The following DPP8 variants were observed in gnomAD, a reference collection of about 807,000 sequenced individuals.
DPP8 encodes the protein dipeptidyl peptidase 8.
A neutral mutation model predicts 107.5 loss-of-function variants in DPP8; 31 were observed. The observed-to-expected ratio is 0.29, with a 90% CI of 0.22 to 0.39. DPP8 has a LOEUF of 0.39. DPP8 is among the 10% of genes least tolerant of loss of function. The probability of loss-of-function intolerance (pLI) is 1.00; values close to 1 mark genes in which losing one functional copy is unlikely to be tolerated. For missense variants in DPP8, 842 were observed against 1,076.1 expected, an observed-to-expected ratio of 0.78 and a Z score of 3.04; for synonymous variants, 381 against 356.6, an observed-to-expected ratio of 1.07 and a Z score of -0.77.
At chr15:65,512,162 A>G (rs1052195117) in intron 2 of DPP8, 133 bp downstream of exon 2, 4 of 893,112 alleles carry the variant, frequency 4.5e-6, no homozygotes, top group African/African-American at 1.7e-5. Flanking sequence ...TCTTCAAATT[A>G]TAGGCTTTTC....
chr15:65,447,035 A>C, intron 19 of DPP8, 29 bp from the exon 20 acceptor site: 1 of 1,393,558 alleles, frequency 7.2e-7, no homozygotes. Context: ...TAAAGATACA[A>C]AAAAAAAAAA....
In DPP8 at chr15:65,515,948, TTA is replaced by T. The variant is rs1159959948; in HGVS notation, c.-12+1536_-12+1537del. On this transcript the variant is annotated intron_variant, in intron 1 of 19. Coordinates refer to ENST00000300141, the MANE Select transcript of DPP8 (RefSeq NM_130434.5). ...GCCTACATTATTTTGTATCTGCGTT[TTA>T]TGTTATCAGAATTCAAGAATTATTT... is the stretch of plus-strand genomic sequence containing the variant. 274 of 477,532 alleles carry T rather than the reference TTA, an allele frequency of 5.7e-4. 1 individual carries two copies. The East Asian group carries it at 8.8e-3, about 15-fold the overall frequency. 29.6% of individuals were successfully genotyped at this position (477,532 alleles called of 1,614,324 possible). A position where few individuals can be genotyped will look rare whatever the true frequency, so the allele number is the denominator to read the frequency against.
chr15:65,509,901 G>A (rs1185933287), intron 2 of DPP8, among the ~76,000 whole-genome samples: 1 of 152,010 alleles, frequency 6.6e-6, no homozygotes, highest in African/African-American at 2.4e-5. Context: ...TGTGCCTATA[G>A]TCCCAGCTAC....
intron 9 of DPP8, among the ~76,000 whole-genome samples, chr15:65,481,083 C>CA (rs61413262): frequency 0.56 from 82,551 of 147,340 alleles, 25,006 homozygotes; most frequent in African/African-American, 0.82. Context: ...GACCATGACT[C>CA]AAAAAAAAAA....
intron 12 of DPP8, among the ~76,000 whole-genome samples, chr15:65,470,938 G>A (rs1274648827): frequency 2.1e-5 from 3 of 144,240 alleles, no homozygotes; most frequent in African/African-American, 5.8e-5. Context: ...AAAAAAAGAG[G>A]GAAAATAGAG....
At chr15:65,457,633 T>C (rs1034381654) in intron 15 of DPP8, among the ~76,000 whole-genome samples, 1 of 152,224 alleles carries the variant, frequency 6.6e-6, no homozygotes, top group Admixed American at 6.5e-5. Context: ...TAGTCTGACA[T>C]GTTCACTGGG....
chr15:65,478,842 A>G (rs2066642062), intron 11 of DPP8, 38 bp downstream of exon 11: 2 of 1,481,392 alleles, frequency 1.4e-6, no homozygotes, highest in South Asian at 1.3e-5. Flanking sequence ...TCTGCTTCCA[A>G]CATTTTTTCT....
intron 19 of DPP8, among the ~76,000 whole-genome samples, chr15:65,448,882 A>ATATATGTATGTGTG (rs1567125484): frequency 4.5e-5 from 1 of 22,412 alleles, no homozygotes; most frequent in African/African-American, 2.3e-4. Flanking sequence ...ATATATATAT[A>ATATATGTATGTGTG]TATATATATA....
chr15:65,480,512 A>C lies in DPP8; in HGVS notation c.1119-113T>G, dbSNP rs558078062. The C allele has an allele frequency of 1.2e-5, 8 of 646,978 alleles. No individual in the cohort carries two copies. The South Asian group carries it at 2.0e-4, about 16-fold the overall frequency. The allele number at this position is 646,978 out of a possible 1,614,324, so 40.1% of individuals were successfully genotyped here. ...TTATATCTGTAATCACCATGAAAGA[A>C]CTGCTTTAGTGTATATTAAATTATC... On this transcript the variant is annotated intron_variant, in intron 9 of 19. Transcript: ENST00000300141.
chr15:65,515,168 GAT>G (rs2071291993), intron 1 of DPP8, among the ~76,000 whole-genome samples: 1 of 152,176 alleles, frequency 6.6e-6, no homozygotes, highest in African/African-American at 2.4e-5. Flanking sequence ...TTTTTGTAGA[GAT>G]GGGGGTCTCA....
At chr15:65,471,299 C>T (rs866633903) in intron 12 of DPP8, among the ~76,000 whole-genome samples, 2 of 152,042 alleles carry the variant, frequency 1.3e-5, no homozygotes, top group Non-Finnish European at 2.9e-5. Context: ...ACTTGAGGAT[C>T]TCAGTGGAAA....
rs562092252 is a variant in DPP8, at chr15:65,455,542, C to T, written c.2118+683G>A. The T allele has an allele frequency of 5.8e-5, 30 of 520,420 alleles. No homozygotes were observed. In the South Asian group the frequency reaches 8.3e-4, roughly 14 times the overall value. The allele number at this position is 520,420 out of a possible 1,614,324, so 32.2% of individuals were successfully genotyped here. A position where few individuals can be genotyped will look rare whatever the true frequency, so the allele number is the denominator to read the frequency against. Reference sequence around the variant, plus strand: ...CCTCTAGGAACTGAACATACTACTTCTTTAAAGTCCTAATTCCTACCACCA... The same window carrying T: ...CCTCTAGGAACTGAACATACTACTTTTTTAAAGTCCTAATTCCTACCACCA... On this transcript the variant is annotated intron_variant, in intron 16 of 19. Transcript: ENST00000300141.
chr15:65,497,085 T>C (rs145340349), intron 5 of DPP8, among the ~76,000 whole-genome samples: 7,240 of 152,092 alleles, frequency 0.048, 580 homozygotes, highest in African/African-American at 0.17. Context: ...AGACAGGGTT[T>C]CATCACGTTG....
At chr15:65,476,967 A>G (rs553928025) in intron 11 of DPP8, among the ~76,000 whole-genome samples, 2 of 152,322 alleles carry the variant, frequency 1.3e-5, no homozygotes, top group East Asian at 3.9e-4. Flanking sequence ...GTATGACTCC[A>G]CTAAATAAGA....
At chr15:65,468,887 A>C (rs1220301159) in intron 12 of DPP8, among the ~76,000 whole-genome samples, 2 of 152,196 alleles carry the variant, frequency 1.3e-5, no homozygotes, top group African/African-American at 2.4e-5. Flanking sequence ...AGGAAGTATC[A>C]TAATTGTGTG....
intron 14 of DPP8, among the ~76,000 whole-genome samples, chr15:65,466,250 T>C (rs942783906): frequency 2.0e-5 from 3 of 152,188 alleles, no homozygotes; most frequent in Admixed American, 2.0e-4. Context: ...GTGATTCTCA[T>C]GCCTCAGCCT....
chr15:65,453,448 C>T (rs1197259013), intron 17 of DPP8, among the ~76,000 whole-genome samples: 1 of 152,062 alleles, frequency 6.6e-6, no homozygotes, highest in Non-Finnish European at 1.5e-5. Context: ...CACACACACA[C>T]ACATACATAT....
At chr15:65,504,783 A>G (rs770155714) in intron 3 of DPP8, among the ~76,000 whole-genome samples, 19 of 151,276 alleles carry the variant, frequency 1.3e-4, no homozygotes, top group Admixed American at 4.6e-4. Context: ...GGAGTTTGAG[A>G]CCACCCTGGG....
intron 4 of DPP8, among the ~76,000 whole-genome samples, chr15:65,500,358 C>A (rs1042537743): frequency 6.6e-6 from 1 of 151,426 alleles, no homozygotes. Flanking sequence ...GCAGAGGTTG[C>A]GGTGAGCCAA....
Sources: allele counts gnomAD v4.1 joint callset (sites outside exome capture counted in the v4.1 genomes callset), GRCh38; gene constraint gnomAD v4.1.1; transcripts MANE v1.5; gene names NCBI Gene and HGNC (gene_info 2026-07-23, HGNC 2026-07-21).